LMOD1: variants seen among roughly 807,000 people sequenced by gnomAD.
LMOD1 encodes the protein leiomodin-1.
Under a neutral mutation model 36.5 loss-of-function variants are expected in LMOD1, and 8 were observed. That is an observed-to-expected ratio of 0.22 (90% CI 0.13 to 0.40). The LOEUF (loss-of-function observed/expected upper bound fraction) is 0.40. Ranked by LOEUF, LMOD1 falls within the 10% of genes least tolerant of loss-of-function variation. The pLI, the probability that LMOD1 is intolerant of heterozygous loss-of-function variation, is 1.00. For synonymous variants in LMOD1, 284 were observed against 288.7 expected (o/e 0.98, Z 0.17); for missense variants, 630 against 751.1 (o/e 0.84, Z 1.88).
intron 1 of LMOD1, among the ~76,000 whole-genome samples, chr1:201,903,484 G>A (rs568194894): frequency 1.1e-4 from 17 of 152,354 alleles, no homozygotes; most frequent in African/African-American, 3.6e-4. Flanking sequence ...GTTTGACCCT[G>A]GAGCAGAAGT....
chr1:201,917,851 G>A (rs1681637272), intron 1 of LMOD1, among the ~76,000 whole-genome samples: 1 of 152,224 alleles, frequency 6.6e-6, no homozygotes, highest in Admixed American at 6.5e-5. Context: ...ACTGCCTGGG[G>A]CTGTGAGCAG....
At chr1:201,918,412 A>G (rs1034552539) in intron 1 of LMOD1, among the ~76,000 whole-genome samples, 2 of 152,122 alleles carry the variant, frequency 1.3e-5, no homozygotes, top group Non-Finnish European at 1.5e-5. Context: ...CATGGCTCCC[A>G]TGCTTTCAGG....
At chr1:201,900,884 AGTGGG>A in intron 1 of LMOD1, 133 bp from the exon 2 acceptor site, 1 of 753,314 alleles carries the variant, frequency 1.3e-6, no homozygotes. Flanking sequence ...TGTTTGGGAG[AGTGGG>A]GTGGATGTCT....
chr1:201,901,840 C>A (rs1451853327), intron 1 of LMOD1, among the ~76,000 whole-genome samples: 1 of 147,934 alleles, frequency 6.8e-6, no homozygotes, highest in Non-Finnish European at 1.5e-5. Flanking sequence ...TTCTGAGATA[C>A]AGAAATTTTA....
In LMOD1 at chr1:201,897,398, C is replaced by A. The variant is rs1487321932; in HGVS notation, c.*974G>T. The A allele has an allele frequency of 6.4e-6, 1 of 155,638 alleles. No homozygotes were observed. Among genetic ancestry groups the A allele is most frequent in the Non-Finnish European group, 1.4e-5 (1 of 69,960 alleles). 9.6% of individuals were successfully genotyped at this position (155,638 alleles called of 1,614,324 possible). On this transcript the variant is annotated 3_prime_UTR_variant, in exon 3 of 3. Coordinates refer to ENST00000367288, the MANE Select transcript of LMOD1 (RefSeq NM_012134.3). ...TGGCTACTGACTCCAGGCAGCAGGA[C>A]TGGTTCAGGAGCAGACCTAGTAGAG...
At chr1:201,935,091 G>C (rs1404431566) in intron 1 of LMOD1, among the ~76,000 whole-genome samples, 1 of 152,178 alleles carries the variant, frequency 6.6e-6, no homozygotes, top group Non-Finnish European at 1.5e-5. Context: ...GTAGGGGAGA[G>C]ATGTGATCTA....
chr1:201,926,434 G>A lies in LMOD1; in HGVS notation c.261+19646C>T, dbSNP rs1033488104. 3.9e-5 allele frequency among the ~76,000 whole-genome samples: 6 copies of A among 152,268 alleles called. No individual in the cohort carries two copies. The East Asian group carries it at 9.6e-4, about 24-fold the overall frequency. On this transcript the variant is annotated intron_variant, in intron 1 of 2. Coordinates refer to ENST00000367288, the MANE Select transcript of LMOD1 (RefSeq NM_012134.3). ...CGCCAAAGGCCAAGAGAAGGAGCCC[G>A]TGCTGAGGCTCTGGGGATCTGTTTA...
chr1:201,942,332 A>C lies in LMOD1; in HGVS notation c.261+3748T>G, dbSNP rs115087030. Among the ~76,000 whole-genome samples the C allele has an allele frequency of 7.0e-3, 1,066 of 152,314 alleles. 8 individuals are homozygous for C. The highest frequency in any genetic ancestry group is 0.024 in the African/African-American group (1,003 of 41,552). ...TCATGTCCCAAGGGCTTTGGTACAG[A>C]CTGGTATTGGAGCGCTCAGACAAGG... is the stretch of plus-strand genomic sequence containing the variant. On this transcript the variant is annotated intron_variant, in intron 1 of 2. Transcript: ENST00000367288.
intron 1 of LMOD1, among the ~76,000 whole-genome samples, chr1:201,909,356 T>C (rs1681456278): frequency 6.6e-6 from 1 of 152,156 alleles, no homozygotes; most frequent in Admixed American, 6.5e-5. Flanking sequence ...ACCAGAGAAA[T>C]TCTAACACTG....
rs1316196664 is a variant in LMOD1 at position 201,897,262 on chromosome 1, C to G, written c.*1110G>C. The G allele has an allele frequency of 5.7e-6, 1 of 174,502 alleles. No homozygotes were observed. The highest frequency in any genetic ancestry group is 1.3e-5 in the Non-Finnish European group (1 of 79,868). 10.8% of individuals were successfully genotyped at this position (174,502 alleles called of 1,614,324 possible). A position where few individuals can be genotyped will look rare whatever the true frequency, so the allele number is the denominator to read the frequency against. Reference sequence around the variant, plus strand: ...CCTGTGACTGCTGTGAGGACCTGGCCCTGAGCCCATGGTTAGGCAGAGTCA... The same window carrying G: ...CCTGTGACTGCTGTGAGGACCTGGCGCTGAGCCCATGGTTAGGCAGAGTCA... On this transcript the variant is annotated 3_prime_UTR_variant, in exon 3 of 3. Transcript: ENST00000367288.
intron 2 of LMOD1, 63 bp from the exon 3 acceptor site, chr1:201,898,461 C>G: frequency 6.9e-7 from 1 of 1,452,948 alleles, no homozygotes; most frequent in South Asian, 1.3e-5. Context: ...TCCCTCCCTA[C>G]TGGAAGGACA....
intron 1 of LMOD1, 35 bp downstream of exon 1, chr1:201,946,045 T>A (rs777752741): frequency 1.3e-6 from 2 of 1,593,494 alleles, no homozygotes; most frequent in Non-Finnish European, 1.7e-6. Flanking sequence ...CCCTCCCCTG[T>A]CTCCCTCCTC....
chr1:201,924,671 A>AAGAAAGAAAGAAAGAAAGAG (rs1558240458), intron 1 of LMOD1, among the ~76,000 whole-genome samples: 3 of 12,260 alleles, frequency 2.4e-4, no homozygotes, highest in Admixed American at 1.0e-3. Flanking sequence ...AAAAAAAAGA[A>AAGAAAGAAAGAAAGAAAGAG]AGAAAGAAAG....
chr1:201,921,303 C>T (rs1466694910), intron 1 of LMOD1, among the ~76,000 whole-genome samples: 7 of 151,492 alleles, frequency 4.6e-5, no homozygotes, highest in Admixed American at 4.6e-4. Flanking sequence ...GCCTGGCCAG[C>T]ATAGTGAAAC....
chr1:201,896,625 G>T lies in LMOD1; in HGVS notation c.*1747C>A, dbSNP rs1256928920. 2.2e-6 allele frequency: 1 copy of T among 456,772 alleles called. No individual in the cohort carries two copies. Among genetic ancestry groups the T allele is most frequent in the East Asian group, 6.9e-5 (1 of 14,394 alleles). The allele number at this position is 456,772 out of a possible 1,614,324, so 28.3% of individuals were successfully genotyped here. A position where few individuals can be genotyped will look rare whatever the true frequency, so the allele number is the denominator to read the frequency against. On this transcript the variant is annotated 3_prime_UTR_variant, in exon 3 of 3. Transcript: ENST00000367288. ...CCCAGTGCCCAGCAGGCACAGGGGG[G>T]TGCAGTGGGACTGACAGTGAGGGCT...
chr1:201,921,868 G>A (rs1681712237), intron 1 of LMOD1, among the ~76,000 whole-genome samples: 2 of 152,002 alleles, frequency 1.3e-5, no homozygotes, highest in Non-Finnish European at 2.9e-5. Context: ...GCTGAGGCAG[G>A]AGAATGGCGT....
At chr1:201,941,177 G>A (rs917109385) in intron 1 of LMOD1, among the ~76,000 whole-genome samples, 7 of 151,074 alleles carry the variant, frequency 4.6e-5, no homozygotes, top group Non-Finnish European at 8.8e-5. Context: ...GGCTAGTCTC[G>A]AGCTCCTGAA....
chr1:201,921,998 T>C (rs1681714394), intron 1 of LMOD1, among the ~76,000 whole-genome samples: 1 of 151,948 alleles, frequency 6.6e-6, no homozygotes, highest in Non-Finnish European at 1.5e-5. Context: ...CATTATTTAA[T>C]GAAACAAAAT....
intron 1 of LMOD1, among the ~76,000 whole-genome samples, chr1:201,939,642 AG>A (rs1682080812): frequency 6.6e-6 from 1 of 152,192 alleles, no homozygotes; most frequent in Non-Finnish European, 1.5e-5. Context: ...TGATCTGGAA[AG>A]GCCTGCATTC....
Sources: allele counts gnomAD v4.1 joint callset (sites outside exome capture counted in the v4.1 genomes callset), GRCh38; gene constraint gnomAD v4.1.1; transcripts MANE v1.5; gene names NCBI Gene and HGNC (gene_info 2026-07-23, HGNC 2026-07-21).